Variants in TBCA observed in about 807,000 individuals in gnomAD.
TBCA encodes tubulin-specific chaperone A.
In TBCA, 6 loss-of-function variants were observed where a neutral mutation model predicts 15.8. The observed-to-expected ratio is 0.38, with a 90% CI of 0.21 to 0.75. The LOEUF is 0.75. Among genes scored for constraint, TBCA ranks in the 30% least tolerant of loss-of-function variants. TBCA has a pLI of 0.46. For synonymous variants in TBCA, 32 were observed against 42.3 expected (o/e 0.76, Z 0.94); for missense variants, 90 against 131.2 (o/e 0.69, Z 1.53).
At chr5:77,727,165 A>T (rs950264443) in intron 1 of TBCA, among the ~76,000 whole-genome samples, 5 of 145,416 alleles carry the variant, frequency 3.4e-5, no homozygotes, top group African/African-American at 5.1e-5. Flanking sequence ...TGAACCCAGG[A>T]GGCGGAGGTT....
In TBCA at chr5:77,707,983, A is replaced by G. The variant is rs369198566; in HGVS notation, c.159+259T>C. Reference sequence around the variant, plus strand: ...CAATGAGCCATGATCACACCACTGCACTCCAGCCTGGATGACAGAGTGAGG... The same window carrying G: ...CAATGAGCCATGATCACACCACTGCGCTCCAGCCTGGATGACAGAGTGAGG... On this transcript the variant is annotated intron_variant, in intron 2 of 3. Coordinates refer to ENST00000380377, the MANE Select transcript of TBCA (RefSeq NM_004607.3). 5.9e-4 allele frequency among the ~76,000 whole-genome samples: 90 copies of G among 152,190 alleles called. 1 individual carries two copies. In the South Asian group the frequency reaches 0.017, roughly 29 times the overall value.
intron 1 of TBCA, among the ~76,000 whole-genome samples, chr5:77,738,364 G>C (rs1411837064): frequency 6.6e-6 from 1 of 151,992 alleles, no homozygotes; most frequent in East Asian, 1.9e-4. Context: ...TATATATATG[G>C]CCCTAAGTAA....
intron 1 of TBCA, among the ~76,000 whole-genome samples, chr5:77,716,015 T>C (rs142144325): frequency 2.0e-5 from 3 of 152,312 alleles, no homozygotes; most frequent in Non-Finnish European, 2.9e-5. Flanking sequence ...CAAACTTAAA[T>C]TGAGGGCCTT....
chr5:77,702,379 A>C (rs886557773), intron 2 of TBCA, among the ~76,000 whole-genome samples: 1 of 152,204 alleles, frequency 6.6e-6, no homozygotes, highest in Admixed American at 6.5e-5. Context: ...CAGTAACTTC[A>C]ATGGACCTAA....
rs1224457360 is a variant in TBCA, at chr5:77,692,992, C to T, written c.246+274G>A. On this transcript the variant is annotated intron_variant, in intron 3 of 3. Transcript: ENST00000380377. ...TGAAAACCAAATAATCAAGACATTG[C>T]TGGACAATACTGGTACTATCATAAC... 3.7e-6 allele frequency: 5 copies of T among 1,369,688 alleles called. No homozygotes were observed. The African/African-American group carries it at 5.9e-5, about 16-fold the overall frequency. 84.8% of individuals were successfully genotyped at this position (1,369,688 alleles called of 1,614,324 possible).
At chr5:77,757,469 T>C (rs1018058594) in intron 1 of TBCA, among the ~76,000 whole-genome samples, 15 of 152,154 alleles carry the variant, frequency 9.9e-5, no homozygotes, top group African/African-American at 3.6e-4. Context: ...GCCTTCCTTG[T>C]TGGAAGCAAG....
rs1747997237 is a variant in TBCA, at chr5:77,775,391, G to A, written c.53+814C>T. On this transcript the variant is annotated intron_variant, in intron 1 of 3. Transcript: ENST00000380377. ...TCTAGTTGTCCTGCCTTTCTGGAGG[G>A]AACCAAGGTACACCTTACCCATTGA... 2.0e-5 allele frequency among the ~76,000 whole-genome samples: 3 copies of A among 152,132 alleles called. No individual in the cohort carries two copies. The South Asian group carries it at 6.2e-4, about 32-fold the overall frequency.
chr5:77,775,276 G>A (rs1747994998), intron 1 of TBCA, among the ~76,000 whole-genome samples: 1 of 152,178 alleles, frequency 6.6e-6, no homozygotes, highest in South Asian at 2.1e-4. Context: ...TCTCTCACAT[G>A]TAAATTGTGT....
chr5:77,715,181 T>C (rs1746369900), intron 1 of TBCA: 1 of 691,774 alleles, frequency 1.4e-6, no homozygotes, highest in Non-Finnish European at 2.6e-6. Flanking sequence ...AGGGATCTAT[T>C]TTTAGTTACA....
In TBCA at chr5:77,691,452, C is replaced by T. The variant is rs537189452; in HGVS notation, c.293G>A (p.Arg98His). Reference protein sequence around the residue: ...LEEAEEYKEARLVLDSVKLEA With the variant: ...LEEAEEYKEAHLVLDSVKLEA ...TAACTTCACTGAATCCAGTACTAAA[C>T]GTGCTTCTTTATATTCCTCAGCTTC... Residue 98 changes from arginine to histidine, a missense_variant, in exon 4 of 4, where the codon CGT (arginine) becomes CAT (histidine). Coordinates refer to ENST00000380377, the MANE Select transcript of TBCA (RefSeq NM_004607.3). 113 of 1,597,278 alleles carry T rather than the reference C, an allele frequency of 7.1e-5. No individual in the cohort carries two copies. Among genetic ancestry groups the T allele is most frequent in the Non-Finnish European group, 9.1e-5 (107 of 1,176,120 alleles).
chr5:77,698,169 GA>G (rs70991304), intron 2 of TBCA, among the ~76,000 whole-genome samples: 45,639 of 128,494 alleles, frequency 0.36, 8,109 homozygotes, highest in Non-Finnish European at 0.45. Flanking sequence ...TTCTTGAAAA[GA>G]AAAAAAAAAA....
rs552265804 is a variant in TBCA at position 77,714,275 on chromosome 5, G to A, written c.54-5928C>T. Among the ~76,000 whole-genome samples, 26 of 152,038 alleles carry A rather than the reference G, an allele frequency of 1.7e-4. No homozygotes were observed. In the East Asian group the frequency reaches 3.9e-3, roughly 23 times the overall value. On this transcript the variant is annotated intron_variant, in intron 1 of 3. Transcript: ENST00000380377. ...GCGGAGGCTGCAGTGAGCCAAGATC[G>A]TACCACTGCATTCCAGCCTGGGCAA... is the stretch of plus-strand genomic sequence containing the variant.
At chr5:77,774,221 A>G (rs919476610) in intron 1 of TBCA, among the ~76,000 whole-genome samples, 1 of 152,192 alleles carries the variant, frequency 6.6e-6, no homozygotes, top group Non-Finnish European at 1.5e-5. Flanking sequence ...GCGGGATCTG[A>G]AAGAAATAAA....
chr5:77,732,621 C>T (rs958288503), intron 1 of TBCA, among the ~76,000 whole-genome samples: 1 of 151,572 alleles, frequency 6.6e-6, no homozygotes, highest in African/African-American at 2.4e-5. Context: ...TCTGTCAGTG[C>T]CTTTTTTCCA....
chr5:77,699,922 C>T (rs1745967891), intron 2 of TBCA, among the ~76,000 whole-genome samples: 1 of 150,250 alleles, frequency 6.7e-6, no homozygotes, highest in South Asian at 2.1e-4. Flanking sequence ...CATATAATCC[C>T]AGCTACTAGG....
At chr5:77,711,159 G>A (rs569349686) in intron 1 of TBCA, among the ~76,000 whole-genome samples, 5 of 152,168 alleles carry the variant, frequency 3.3e-5, no homozygotes, top group South Asian at 2.1e-4. Flanking sequence ...TTTGTCATAC[G>A]AAAATACAGA....
intron 1 of TBCA, among the ~76,000 whole-genome samples, chr5:77,764,323 A>G (rs1452496247): frequency 6.6e-6 from 1 of 152,226 alleles, no homozygotes; most frequent in African/African-American, 2.4e-5. Flanking sequence ...TGTTATTAAT[A>G]CACTATTTGA....
At chr5:77,729,011 A>C (rs1746696918) in intron 1 of TBCA, among the ~76,000 whole-genome samples, 1 of 152,160 alleles carries the variant, frequency 6.6e-6, no homozygotes, top group East Asian at 1.9e-4. Flanking sequence ...AAATGCAATG[A>C]GAATTGTATT....
chr5:77,698,031 G>A (rs1745910702), intron 2 of TBCA, among the ~76,000 whole-genome samples: 1 of 151,852 alleles, frequency 6.6e-6, no homozygotes, highest in South Asian at 2.1e-4. Context: ...AAAATGGGAG[G>A]GTTGCTTGAA....
Sources: allele counts gnomAD v4.1 joint callset (sites outside exome capture counted in the v4.1 genomes callset), GRCh38; gene constraint gnomAD v4.1.1; transcripts MANE v1.5; gene names NCBI Gene and HGNC (gene_info 2026-07-23, HGNC 2026-07-21).